PMEL: variants seen among roughly 807,000 people sequenced by gnomAD.
PMEL encodes the protein melanocyte protein PMEL.
In PMEL, 53 loss-of-function variants were observed where a neutral mutation model predicts 64.9. The observed-to-expected ratio is 0.82, with a 90% CI of 0.66 to 1.03. The LOEUF (loss-of-function observed/expected upper bound fraction) is 1.03. Among genes scored for constraint, PMEL ranks in the 50% least tolerant of loss-of-function variants. The probability of loss-of-function intolerance (pLI) is 0.00; values close to 1 mark genes in which losing one functional copy is unlikely to be tolerated. For missense variants in PMEL, 716 were observed against 814.9 expected (o/e 0.88, Z 1.48); for synonymous variants, 299 against 316.2 (o/e 0.95, Z 0.58).
intron 9 of PMEL, 49 bp downstream of exon 9, chr12:55,955,415 G>T (rs1330039582): frequency 1.2e-6 from 2 of 1,611,784 alleles, no homozygotes; most frequent in Non-Finnish European, 8.5e-7. Context: ...CTTGCCAGCT[G>T]CCCTCTATCC....
At chr12:55,958,246 AT>A (rs1888973071) in intron 4 of PMEL, 162 bp from the exon 5 acceptor site, 1 of 807,936 alleles carries the variant, frequency 1.2e-6, no homozygotes, top group East Asian at 2.7e-5. Flanking sequence ...AGGGGTCCTA[AT>A]GAGGCATTCC....
At position 55,956,692 on chromosome 12, in the gene PMEL, C is replaced by T. The variant is rs372874266; in HGVS notation, c.1354+257G>A. ...ATGATCACAGTCTGTTCCCTGGTCT[C>T]GCCAACCGTTCTCAGCAGTAGAGAA... On this transcript the variant is annotated intron_variant, in intron 6 of 10. Transcript: ENST00000548747. Among the ~76,000 whole-genome samples the T allele has an allele frequency of 2.0e-5, 3 of 152,270 alleles. No individual in the cohort carries two copies. The South Asian group carries it at 6.2e-4, about 32-fold the overall frequency.
In PMEL at chr12:55,957,223, G is replaced by A. The variant is rs762126471; in HGVS notation, c.1080C>T (p.Ser360=). 1.9e-6 allele frequency: 3 copies of A among 1,614,186 alleles called. No homozygotes were observed. Among genetic ancestry groups the A allele is most frequent in the South Asian group, 2.2e-5 (2 of 91,088 alleles). The part of the protein sequence containing the change: ...SVQVPTTEVI[S]TAPVQMPTAE... ...CAGTTGGCATCTGCACAGGTGCAGT[G>A]CTTATGACTTCAGTGGTTGGCACCT... The change falls in exon 6 of 11, where the codon AGC becomes AGT. Residue 360 remains serine (S), a synonymous_variant. Transcript: ENST00000548747.
chr12:55,964,880 G>C (rs1293969972), intron 1 of PMEL, among the ~76,000 whole-genome samples: 1 of 149,362 alleles, frequency 6.7e-6, no homozygotes, highest in African/African-American at 2.5e-5. Flanking sequence ...GCCTCTCAAA[G>C]TGCTAGGATT....
At chr12:55,963,017 C>T (rs1889164276) in intron 1 of PMEL, among the ~76,000 whole-genome samples, 2 of 151,780 alleles carry the variant, frequency 1.3e-5, no homozygotes, top group Non-Finnish European at 2.9e-5. Flanking sequence ...ATTAGCCGGG[C>T]GTGGTAGTGG....
chr12:55,954,495 CCT>C, intron 10 of PMEL, 146 bp from the exon 11 acceptor site: 1 of 787,102 alleles, frequency 1.3e-6, no homozygotes, highest in Non-Finnish European at 2.1e-6. Context: ...CAGGGTTTAC[CCT>C]CTCTTATTTC....
intron 3 of PMEL, among the ~76,000 whole-genome samples, chr12:55,960,537 GT>G (rs760692409): frequency 0.037 from 3,642 of 97,238 alleles, 47 homozygotes; most frequent in East Asian, 0.088. Context: ...TTTGCTTTCT[GT>G]TTTTTTTTTT....
At chr12:55,961,246 C>T (rs1889091429) in intron 3 of PMEL, 71 bp downstream of exon 3, 2 of 1,399,626 alleles carry the variant, frequency 1.4e-6, no homozygotes, top group East Asian at 2.3e-5. Flanking sequence ...AAGGGGCATT[C>T]CCTGAGCTCA....
chr12:55,961,868 C>T (rs1429164640), intron 1 of PMEL, 136 bp from the exon 2 acceptor site: 4 of 599,784 alleles, frequency 6.7e-6, no homozygotes, highest in African/African-American at 3.9e-5. Flanking sequence ...TGGAGTTTCG[C>T]TCTTGTTGCC....
chr12:55,954,398 T>C, intron 10 of PMEL, 49 bp from the exon 11 acceptor site: 1 of 1,603,186 alleles, frequency 6.2e-7, no homozygotes, highest in Non-Finnish European at 8.5e-7. Context: ...CAAAGGTAGC[T>C]TGTCTGTGCT....
In PMEL at chr12:55,955,622, G is replaced by A; in HGVS notation, c.1604C>T (p.Pro535Leu). Residue 535 changes from proline (P) to leucine (L), a missense_variant, in exon 9 of 11, where the codon CCC (proline) becomes CTC (leucine). Pro to Leu is a moderately conservative substitution (Grantham distance 98). Transcript: ENST00000548747. The part of the protein sequence containing the change: ...CMEISSPGCQ[P>L]PAQRLCQPVL... ...AGGCTGGCACAGCCGCTGGGCAGGG[G>A]GCTGGCACCCTGGCGATGAGATCTC... is the stretch of plus-strand genomic sequence containing the variant. 1 of 1,613,808 alleles carries A rather than the reference G, an allele frequency of 6.2e-7. No individual in the cohort carries two copies. The highest frequency in any genetic ancestry group is 8.5e-7 in the Non-Finnish European group (1 of 1,179,902).
At chr12:55,957,695 G>A in intron 5 of PMEL, 24 bp from the exon 6 acceptor site, 1 of 1,593,866 alleles carries the variant, frequency 6.3e-7, no homozygotes, top group Non-Finnish European at 8.5e-7. Context: ...CAGAAAAGGT[G>A]AGAACCAGGC....
upstream of PMEL, chr12:55,966,048 G>C: frequency 1.9e-6 from 3 of 1,614,182 alleles, no homozygotes; most frequent in South Asian, 3.3e-5. Context: ...GCACTGGGGG[G>C]ACTGGGATAG....
At position 55,957,075 on chromosome 12, in the gene PMEL, G is replaced by T; in HGVS notation, c.1228C>A (p.Leu410Ile). 6.2e-7 allele frequency: 1 copy of T among 1,614,188 alleles called. No individual in the cohort carries two copies. The highest frequency in any genetic ancestry group is 8.5e-7 in the Non-Finnish European group (1 of 1,180,034). ...ACCTGTGCAGCTGTGGTTCCAGAAAGCACCACAATTGATACCTCTGCAGGT... is the reference window on the plus strand; with the variant it reads ...ACCTGTGCAGCTGTGGTTCCAGAAATCACCACAATTGATACCTCTGCAGGT... ...MTPAEVSIVV[L>I]SGTTAAQVTT... is the part of the protein sequence containing the mutation. Residue 410 changes from leucine (L) to isoleucine (I), a missense_variant, in exon 6 of 11, where the codon CTT becomes ATT. Coordinates refer to ENST00000548747, the MANE Select transcript of PMEL (RefSeq NM_001384361.1).
rs1352483930 is a variant in PMEL at position 55,954,313 on chromosome 12, C to G, written c.1887G>C (p.Gln629His). The G allele has an allele frequency of 1.2e-6, 2 of 1,614,172 alleles. No homozygotes were observed. Among genetic ancestry groups the G allele is most frequent in the Admixed American group, 3.3e-5 (2 of 60,022 alleles). Residue 629 changes from glutamine (Q) to histidine (H), a missense_variant, in exon 11 of 11, where the codon CAG becomes CAC. Physicochemically the swap from Gln to His is conservative, Grantham distance 24. Coordinates refer to ENST00000548747, the MANE Select transcript of PMEL (RefSeq NM_001384361.1). ...GCCAGTGACTGCTGCTATGTGGCAACTGGGGTACGGAGAAGTCTTGCTTCA... is the reference window on the plus strand; with the variant it reads ...GCCAGTGACTGCTGCTATGTGGCAAGTGGGGTACGGAGAAGTCTTGCTTCA... Reference protein sequence around the residue: ...RLMKQDFSVPQLPHSSSHWLR... With the variant: ...RLMKQDFSVPHLPHSSSHWLR...
chr12:55,955,436 T>C, intron 9 of PMEL, 28 bp downstream of exon 9: 1 of 1,613,124 alleles, frequency 6.2e-7, no homozygotes, highest in Non-Finnish European at 8.5e-7. Context: ...ACTCCCTTCC[T>C]CATCTTAGCT....
In PMEL at chr12:55,955,357, T is replaced by C; in HGVS notation, c.1767A>G (p.Gln589=). 6.2e-7 allele frequency: 1 copy of C among 1,614,210 alleles called. No homozygotes were observed. The highest frequency in any genetic ancestry group is 1.1e-5 in the South Asian group (1 of 91,084). ...VVSTQLIMPG[Q]EAGLGQVPLI... ...GCGGAACCTGCCCAAGGCCTGCTTCTTGACCTGTGAGAAGAATCCCAGGCA... is the reference window on the plus strand; with the variant it reads ...GCGGAACCTGCCCAAGGCCTGCTTCCTGACCTGTGAGAAGAATCCCAGGCA... The change falls in exon 10 of 11, where the codon CAA becomes CAG. Residue 589 remains glutamine, a synonymous_variant. Transcript: ENST00000548747.
At chr12:55,954,383 A>G (rs189140584) in intron 10 of PMEL, 34 bp from the exon 11 acceptor site, 36 of 1,613,052 alleles carry the variant, frequency 2.2e-5, no homozygotes, top group Non-Finnish European at 2.8e-5. Context: ...CTGGTTAGCA[A>G]TGGACAAAGG....
upstream of PMEL, chr12:55,966,174 C>A: frequency 9.3e-7 from 1 of 1,074,718 alleles, no homozygotes. Flanking sequence ...GGATCCTGGT[C>A]CCTAGACATT....
Sources: allele counts gnomAD v4.1 joint callset (sites outside exome capture counted in the v4.1 genomes callset), GRCh38; gene constraint gnomAD v4.1.1; transcripts MANE v1.5; gene names NCBI Gene and HGNC (gene_info 2026-07-23, HGNC 2026-07-21).